The following INTS10 variants were observed in gnomAD, a reference collection of about 807,000 sequenced individuals.
INTS10 encodes the protein integrator complex subunit 10.
A neutral mutation model predicts 94.4 loss-of-function variants in INTS10; 44 were observed. That is an observed-to-expected ratio of 0.47 (90% confidence interval 0.37 to 0.60). The LOEUF (loss-of-function observed/expected upper bound fraction) is 0.60. Ranked by LOEUF, INTS10 falls within the 20% of genes least tolerant of loss-of-function variation. The probability of loss-of-function intolerance (pLI) is 0.00; values close to 1 mark genes in which losing one functional copy is unlikely to be tolerated. For synonymous variants in INTS10, 341 were observed against 320.7 expected (o/e 1.06, Z -0.68); for missense variants, 797 against 868.7 (o/e 0.92, Z 1.04).
Position 19,837,912 on chromosome 8 carries a change from G to A in INTS10, c.1639+752G>A, listed in dbSNP as rs371590325. Among the ~76,000 whole-genome samples, 15 of 152,070 alleles carry A rather than the reference G, an allele frequency of 9.9e-5. No individual in the cohort carries two copies. In the East Asian group the frequency reaches 1.5e-3, roughly 16 times the overall value. ...ATTACCAGTATCAGAAATGAAAAAG[G>A]GAGTGTCACTACAAATCCTACTGAA... On this transcript the variant is annotated intron_variant, in intron 13 of 16. Transcript: ENST00000397977.
At chr8:19,834,667 A>G (rs1375170432) in intron 12 of INTS10, among the ~76,000 whole-genome samples, 1 of 152,180 alleles carries the variant, frequency 6.6e-6, no homozygotes, top group Non-Finnish European at 1.5e-5. Flanking sequence ...GCCTATGGGC[A>G]GTGTCAGACT....
At chr8:19,822,954 A>AG (rs1198046012) in intron 5 of INTS10, among the ~76,000 whole-genome samples, 19 of 152,136 alleles carry the variant, frequency 1.2e-4, no homozygotes, top group Admixed American at 9.8e-4. Context: ...GTCTCAAAAA[A>AG]AAAAAAAGCA....
intron 12 of INTS10, 68 bp downstream of exon 12, chr8:19,833,389 G>A: frequency 2.4e-6 from 3 of 1,269,440 alleles, no homozygotes; most frequent in Non-Finnish European, 3.1e-6. Flanking sequence ...CCTTTCCCTA[G>A]CGTGGCTTTT....
At chr8:19,820,937 C>T (rs1589915648) in intron 4 of INTS10, 1 of 154,222 alleles carries the variant, frequency 6.5e-6, no homozygotes, top group Non-Finnish European at 1.4e-5. Flanking sequence ...GTGCTATTGG[C>T]AGGCATGGGA....
intron 9 of INTS10, among the ~76,000 whole-genome samples, chr8:19,826,875 A>G (rs1159226905): frequency 6.6e-6 from 1 of 152,186 alleles, no homozygotes; most frequent in Non-Finnish European, 1.5e-5. Flanking sequence ...TATGTTCCTT[A>G]TACATGTTTT....
intron 12 of INTS10, among the ~76,000 whole-genome samples, chr8:19,836,047 C>G (rs997893890): frequency 6.6e-6 from 1 of 151,986 alleles, no homozygotes; most frequent in African/African-American, 2.4e-5. Flanking sequence ...CTAAGGCATG[C>G]AAGACTTAAA....
At chr8:19,839,590 C>T (rs1375939434) in intron 13 of INTS10, among the ~76,000 whole-genome samples, 1 of 151,870 alleles carries the variant, frequency 6.6e-6, no homozygotes, top group East Asian at 1.9e-4. Flanking sequence ...TTCCAGCTAT[C>T]TAGAGGCTGA....
intron 10 of INTS10, 143 bp downstream of exon 10, chr8:19,830,702 A>T: frequency 2.7e-6 from 2 of 751,198 alleles, no homozygotes; most frequent in Non-Finnish European, 2.2e-6. Flanking sequence ...ACGGAGTCTC[A>T]CTCTTTTTCA....
At chr8:19,819,255 C>T (rs1168271200) in intron 2 of INTS10, among the ~76,000 whole-genome samples, 1 of 152,106 alleles carries the variant, frequency 6.6e-6, no homozygotes, top group Non-Finnish European at 1.5e-5. Context: ...TTCTCTTTGG[C>T]TGTGTGTATT....
In INTS10 at chr8:19,840,584, C is replaced by T. The variant is rs751907550; in HGVS notation, c.1640-2264C>T. Among the ~76,000 whole-genome samples, 7 of 152,130 alleles carry T rather than the reference C, an allele frequency of 4.6e-5. 1 individual carries two copies. Among genetic ancestry groups the T allele is most frequent in the Admixed American group, 2.6e-4 (4 of 15,282 alleles). On this transcript the variant is annotated intron_variant, in intron 13 of 16. Coordinates refer to ENST00000397977, the MANE Select transcript of INTS10 (RefSeq NM_018142.4). ...AATCAAGACAGAGTTGACAAAATAT[C>T]GACATAAGAATGGAGAATCCAGAAA...
At chr8:19,836,124 G>A (rs2067643102) in intron 12 of INTS10, among the ~76,000 whole-genome samples, 1 of 151,500 alleles carries the variant, frequency 6.6e-6, no homozygotes, top group Admixed American at 6.6e-5. Context: ...AAATCTACAC[G>A]TTCGGCACAT....
intron 13 of INTS10, among the ~76,000 whole-genome samples, chr8:19,837,916 T>C (rs1364907536): frequency 6.6e-6 from 1 of 150,808 alleles, no homozygotes; most frequent in East Asian, 1.9e-4. Context: ...AAAAAGGGAG[T>C]GTCACTACAA....
In INTS10 at chr8:19,826,417, C is replaced by T. The variant is rs769937526; in HGVS notation, c.1007-9C>T. On this transcript the variant is annotated splice_polypyrimidine_tract_variant and intron_variant, in intron 8 of 16. Coordinates refer to ENST00000397977, the MANE Select transcript of INTS10 (RefSeq NM_018142.4). ...ACTGGTAAGTGTTGGTGTTTTTCCC[C>T]GTCCTTAGGTCCTAATGCCCCGAGC... 2.4e-5 allele frequency: 38 copies of T among 1,601,684 alleles called. No individual in the cohort carries two copies. The highest frequency in any genetic ancestry group is 4.5e-5 in the East Asian group (2 of 44,424).
In INTS10 at chr8:19,820,407, C is replaced by G. The variant is rs2066279811; in HGVS notation, c.330C>G (p.Val110=). Residue 110 remains valine, a synonymous_variant, in exon 4 of 17, where the codon GTC becomes GTG. Transcript: ENST00000397977. ...TATTTGAAACTCTTCCTGGTCGGGT[C>G]CAGTGTGAAATGTTACTAAAGGTCA... ...RSLFETLPGR[V]QCEMLLKVTE... 6.2e-7 allele frequency: 1 copy of G among 1,612,010 alleles called. No individual in the cohort carries two copies. Among genetic ancestry groups the G allele is most frequent in the Non-Finnish European group, 8.5e-7 (1 of 1,178,544 alleles).
At chr8:19,822,830 G>A (rs1282501224) in intron 5 of INTS10, among the ~76,000 whole-genome samples, 1 of 151,958 alleles carries the variant, frequency 6.6e-6, no homozygotes. Context: ...CACGCCTGTA[G>A]TCCCAGCTAC....
At chr8:19,833,425 T>C (rs756275236) in intron 12 of INTS10, 104 bp downstream of exon 12, 88 of 762,518 alleles carry the variant, frequency 1.2e-4, no homozygotes, top group Non-Finnish European at 1.6e-4. Flanking sequence ...TATTTCAATT[T>C]GATCTTTCTG....
Position 19,817,531 on chromosome 8 carries a change from T to G in INTS10, c.-7T>G. 2 of 1,605,018 alleles carry G rather than the reference T, an allele frequency of 1.2e-6. No homozygotes were observed. The highest frequency in any genetic ancestry group is 1.7e-6 in the Non-Finnish European group (2 of 1,177,116). On this transcript the variant is annotated 5_prime_UTR_variant, in exon 1 of 17. Transcript: ENST00000397977. ...CTTCGGGCTGGCGGCTGGAGAGCGC[T>G]CGGGTCATGTCTGCCCAGGGGGACT...
Position 19,837,056 on chromosome 8 carries a change from CAT to C in INTS10, c.1536_1537del (p.Cys513Ter), listed in dbSNP as rs1251774189. 6.2e-7 allele frequency: 1 copy of C among 1,604,792 alleles called. No individual in the cohort carries two copies. Among genetic ancestry groups the C allele is most frequent in the Non-Finnish European group, 8.5e-7 (1 of 1,171,674 alleles). On this transcript the variant is annotated frameshift_variant, in exon 13 of 17. Coordinates refer to ENST00000397977, the MANE Select transcript of INTS10 (RefSeq NM_018142.4). LOFTEE classifies it high-confidence loss of function. ...TTTTGGTCTTTTCTGCTTTAGATGA[CAT>C]GTGAAAAAGTCCTTGATTTGATGTG...
chr8:19,825,184 C>T (rs935428077), intron 8 of INTS10, among the ~76,000 whole-genome samples: 11 of 152,080 alleles, frequency 7.2e-5, no homozygotes, highest in African/African-American at 1.9e-4. Context: ...TATCAAAGGG[C>T]GTAATGGTAC....
Sources: gnomAD v4.1 joint callset for allele counts (sites outside exome capture counted in the v4.1 genomes callset) on GRCh38, gnomAD v4.1.1 for gene constraint, MANE v1.5 for transcripts, NCBI Gene and HGNC (gene_info 2026-07-23, HGNC 2026-07-21) for gene names.